The following NCAPD2 variants were observed in gnomAD, a reference collection of about 807,000 sequenced individuals.
NCAPD2 encodes condensin complex subunit 1.
A neutral mutation model predicts 164.5 loss-of-function variants in NCAPD2; 100 were observed. The observed-to-expected ratio is 0.61, with a 90% CI of 0.52 to 0.72. The LOEUF (loss-of-function observed/expected upper bound fraction) is 0.72. Ranked by LOEUF, NCAPD2 falls within the 30% of genes least tolerant of loss-of-function variation. The probability of loss-of-function intolerance (pLI) is 0.00; values close to 1 mark genes in which losing one functional copy is unlikely to be tolerated. For synonymous variants in NCAPD2, 585 were observed against 642.6 expected (o/e 0.91, Z 1.36); for missense variants, 1,560 against 1,749.2 (o/e 0.89, Z 1.93).
At chr12:6,521,197 T>C (rs1297466464) in intron 14 of NCAPD2, 87 bp downstream of exon 14, 1 of 1,500,090 alleles carries the variant, frequency 6.7e-7, no homozygotes, top group Non-Finnish European at 9.1e-7. Flanking sequence ...TTGGCCTGGT[T>C]AACAGAACCT....
rs200119745 is a variant in NCAPD2, at chr12:6,510,842, G to A, written c.444+32G>A. On this transcript the variant is annotated intron_variant, in intron 5 of 31. Transcript: ENST00000315579. ...TGGAGTTTTGGGCTCACGTTATATGGGGTCTGGGGAGATAGGGGAATAGAT... is the reference window on the plus strand; with the variant it reads ...TGGAGTTTTGGGCTCACGTTATATGAGGTCTGGGGAGATAGGGGAATAGAT... 165 of 1,601,312 alleles carry A rather than the reference G, an allele frequency of 1.0e-4. 1 individual carries two copies. The African/African-American group carries it at 1.8e-3, about 17-fold the overall frequency.
Position 6,529,594 on chromosome 12 carries a change from G to A in NCAPD2, c.3653+1G>A, listed in dbSNP as rs111952025. ...TGTGTCAGCGGTTCCGCACATCCCG[G>A]TATGCTGCCCTCCCTGAGGGTTCTT... On this transcript the variant is annotated splice_donor_variant, in intron 28 of 31. Transcript: ENST00000315579. LOFTEE classifies it high-confidence loss of function. 1 of 1,614,178 alleles carries A rather than the reference G, an allele frequency of 6.2e-7. No homozygotes were observed. The highest frequency in any genetic ancestry group is 8.5e-7 in the Non-Finnish European group (1 of 1,179,986).
intron 2 of NCAPD2, among the ~76,000 whole-genome samples, chr12:6,499,430 C>A (rs1946014113): frequency 6.6e-6 from 1 of 152,060 alleles, no homozygotes; most frequent in Admixed American, 6.6e-5. Context: ...CTCTGTCGCC[C>A]AGGTTGGAGT....
Position 6,528,733 on chromosome 12 carries a change from C to G in NCAPD2, c.3354C>G (p.His1118Gln). The G allele has an allele frequency of 6.2e-7, 1 of 1,614,130 alleles. No homozygotes were observed. The highest frequency in any genetic ancestry group is 8.5e-7 in the Non-Finnish European group (1 of 1,179,992). Residue 1118 changes from histidine to glutamine, a missense_variant, in exon 26 of 32, where the codon CAC becomes CAG. Transcript: ENST00000315579. This position sits in a 1 kb window ranked among gnomAD's most constrained non-coding sequence, Gnocchi z 5.1. ...AAACAGCGGGGCTGGTGATGACCCA[C>G]CTGATCCTCAAGGACATGGTGAAGG... ...VRKTAGLVMT[H>Q]LILKDMVKVK...
rs1483317615 is a variant in NCAPD2, at chr12:6,516,826, A to T, written c.988-2A>T. On this transcript the variant is annotated splice_acceptor_variant, in intron 9 of 31. Coordinates refer to ENST00000315579, the MANE Select transcript of NCAPD2 (RefSeq NM_014865.4). LOFTEE classifies it high-confidence loss of function. The stretch of plus-strand genomic sequence containing the variant: ...TGACCCCTCTATGCTTCTCTCTCTT[A>T]GAATTACATGATGCGTAATGCTGTG... The T allele has an allele frequency of 1.9e-6, 3 of 1,614,028 alleles. No homozygotes were observed. The highest frequency in any genetic ancestry group is 4.5e-5 in the East Asian group (2 of 44,894).
At chr12:6,520,424 C>A (rs929733945) in intron 13 of NCAPD2, among the ~76,000 whole-genome samples, 7 of 146,048 alleles carry the variant, frequency 4.8e-5, no homozygotes, top group Non-Finnish European at 8.9e-5. Context: ...ACCATCACAC[C>A]CACAGGCACA....
Position 6,529,707 on chromosome 12 carries a change from T to C in NCAPD2, c.3654-68T>C. On this transcript the variant is annotated intron_variant, in intron 28 of 31. Coordinates refer to ENST00000315579, the MANE Select transcript of NCAPD2 (RefSeq NM_014865.4). ...GTGGCATCCCTGGGACTGGGGAGGC[T>C]GATGGGGAAGGTTGAGCCTTTACTA... 3.7e-6 allele frequency: 6 copies of C among 1,601,970 alleles called. No homozygotes were observed. The South Asian group carries it at 5.6e-5, about 15-fold the overall frequency.
intron 2 of NCAPD2, among the ~76,000 whole-genome samples, chr12:6,500,227 G>T (rs960602078): frequency 6.6e-6 from 1 of 152,182 alleles, no homozygotes; most frequent in Non-Finnish European, 1.5e-5. Flanking sequence ...TTCAAGACCA[G>T]CTTGGGCAAC....
Position 6,516,871 on chromosome 12 carries a change from T to C in NCAPD2, c.1031T>C (p.Met344Thr). ...RNAVLAAMAE[M>T]VLQVLSGDQL... ...GCTGTGCTGGCAGCCATGGCGGAGA[T>C]GGTGCTGCAGGTTCTCAGTGGCGAT... The change falls in exon 10 of 32, where the codon ATG becomes ACG. Residue 344 changes from methionine to threonine, a missense_variant. Physicochemically the swap from Met to Thr is moderately conservative, Grantham distance 81. Coordinates refer to ENST00000315579, the MANE Select transcript of NCAPD2 (RefSeq NM_014865.4). 3.7e-6 allele frequency: 6 copies of C among 1,614,192 alleles called. No homozygotes were observed. Among genetic ancestry groups the C allele is most frequent in the Non-Finnish European group, 5.1e-6 (6 of 1,180,044 alleles).
At chr12:6,505,497 A>C (rs1035562740) in intron 2 of NCAPD2, among the ~76,000 whole-genome samples, 7 of 152,218 alleles carry the variant, frequency 4.6e-5, no homozygotes, top group Non-Finnish European at 8.8e-5. Flanking sequence ...AAATTATTAC[A>C]GTACTACAGT....
chr12:6,518,504 G>GTTTTTTTTTTTGTTTGTTTTT (rs1946226887), intron 13 of NCAPD2, among the ~76,000 whole-genome samples: 1 of 44,774 alleles, frequency 2.2e-5, no homozygotes, highest in African/African-American at 1.0e-4. Flanking sequence ...CCGTCAACAA[G>GTTTTTTTTTTTGTTTGTTTTT]TTTTTTTTTT....
chr12:6,510,460 G>A (rs1430387723), intron 4 of NCAPD2, 169 bp from the exon 5 acceptor site: 3 of 835,550 alleles, frequency 3.6e-6, no homozygotes, highest in Non-Finnish European at 6.2e-6. Context: ...AACAGGGCAT[G>A]TTCAGGGTAT....
chr12:6,507,616 A>C (rs181110856), intron 2 of NCAPD2, among the ~76,000 whole-genome samples: 109 of 152,320 alleles, frequency 7.2e-4, no homozygotes, highest in Non-Finnish European at 1.4e-3. Context: ...GTGGGCACAT[A>C]AGGGAGAGAG....
At position 6,531,327 on chromosome 12, in the gene NCAPD2, A is replaced by C; in HGVS notation, c.4121A>C (p.Asp1374Ala). 6.2e-7 allele frequency: 1 copy of C among 1,612,326 alleles called. No homozygotes were observed. Among genetic ancestry groups the C allele is most frequent in the Non-Finnish European group, 8.5e-7 (1 of 1,179,476 alleles). ...CTTATTCCTTTAATTCTTTGCATAG[A>C]TCTTTCAGCAGAGATGACAGAAGAC... The part of the protein sequence containing the change: ...VFSSDESSEE[D>A]LSAEMTEDET... The change falls in exon 32 of 32, where the codon GAT becomes GCT. Residue 1374 changes from aspartate to alanine, a missense_variant and splice_region_variant. Asp to Ala is a moderately radical substitution (Grantham distance 126). Transcript: ENST00000315579. This position sits in a 1 kb window ranked among gnomAD's most constrained non-coding sequence, Gnocchi z 4.1.
intron 2 of NCAPD2, among the ~76,000 whole-genome samples, chr12:6,501,277 C>G (rs12370390): frequency 2.2e-5 from 3 of 135,386 alleles, no homozygotes; most frequent in Non-Finnish European, 4.6e-5. Flanking sequence ...GTCTCGCTCT[C>G]TCGCCCAGGC....
rs1489689020 is a variant in NCAPD2 at position 6,514,262 on chromosome 12, C to G, written c.588-3C>G. The G allele has an allele frequency of 6.2e-7, 1 of 1,614,154 alleles. No individual in the cohort carries two copies. Among genetic ancestry groups the G allele is most frequent in the South Asian group, 1.1e-5 (1 of 91,078 alleles). The stretch of plus-strand genomic sequence containing the variant: ...TCATCATCTCAAACTCTTCCTTTCT[C>G]AGTTTGGTTACTGGCTGTTGCTACC... On this transcript the variant is annotated splice_polypyrimidine_tract_variant and splice_region_variant and intron_variant, in intron 6 of 31. Coordinates refer to ENST00000315579, the MANE Select transcript of NCAPD2 (RefSeq NM_014865.4).
chr12:6,513,715 C>CTTTTTT lies in NCAPD2; in HGVS notation c.588-537_588-532dup, dbSNP rs71067124. On this transcript the variant is annotated intron_variant, in intron 6 of 31. Coordinates refer to ENST00000315579, the MANE Select transcript of NCAPD2 (RefSeq NM_014865.4). ...AATGAGAAGTCATTGGTGACTTTGT[C>CTTTTTT]TTTTTTTTTTTTTTTTTTGTGATGG... Among the ~76,000 whole-genome samples the CTTTTTT allele has an allele frequency of 8.1e-4, 61 of 74,858 alleles. 4 individuals are homozygous for CTTTTTT. The highest frequency in any genetic ancestry group is 1.0e-3 in the Non-Finnish European group (41 of 39,350). The allele number at this position is 74,858 out of a possible 152,430, so 49.1% of individuals were successfully genotyped here. A position where few individuals can be genotyped will look rare whatever the true frequency, so the allele number is the denominator to read the frequency against.
In NCAPD2 at chr12:6,528,636, G is replaced by T; in HGVS notation, c.3300-43G>T. 1.3e-6 allele frequency: 2 copies of T among 1,585,542 alleles called. No homozygotes were observed. The highest frequency in any genetic ancestry group is 1.7e-6 in the Non-Finnish European group (2 of 1,159,910). ...CCTTTTCTACCAGTGTTAGGGTGTAGCCCGGAGGTCTCGGTCCCCATGACC... is the reference window on the plus strand; with the variant it reads ...CCTTTTCTACCAGTGTTAGGGTGTATCCCGGAGGTCTCGGTCCCCATGACC... On this transcript the variant is annotated intron_variant, in intron 25 of 31. Transcript: ENST00000315579. This position sits in a 1 kb window ranked among gnomAD's most constrained non-coding sequence, Gnocchi z 5.1.
Position 6,511,159 on chromosome 12 carries a change from A to G in NCAPD2, c.494A>G (p.Glu165Gly), listed in dbSNP as rs750056098. The change falls in exon 6 of 32, where the codon GAG (glutamate) becomes GGG (glycine). Residue 165 changes from glutamate (E) to glycine (G), a missense_variant. Physicochemically the swap from Glu to Gly is moderately conservative, Grantham distance 98. Coordinates refer to ENST00000315579, the MANE Select transcript of NCAPD2 (RefSeq NM_014865.4). The part of the protein sequence containing the change: ...KAAHGFDWEE[E>G]RQPILQLLTQ... Reference sequence around the variant, plus strand: ...GCCCATGGCTTTGACTGGGAAGAAGAGAGGCAACCAATTCTTCAGCTTTTA... The same window carrying G: ...GCCCATGGCTTTGACTGGGAAGAAGGGAGGCAACCAATTCTTCAGCTTTTA... The G allele has an allele frequency of 5.0e-5, 80 of 1,614,046 alleles. No individual in the cohort carries two copies. Among genetic ancestry groups the G allele is most frequent in the Non-Finnish European group, 6.4e-5 (75 of 1,180,024 alleles).
Sources: gnomAD v4.1 joint callset for allele counts (sites outside exome capture counted in the v4.1 genomes callset) on GRCh38, gnomAD v4.1.1 for gene constraint, Gnocchi (gnomAD v3.1) non-coding constraint, MANE v1.5 for transcripts, NCBI Gene and HGNC (gene_info 2026-07-23, HGNC 2026-07-21) for gene names.